Variants in NPAS4 observed in about 807,000 individuals in gnomAD.
The protein encoded by NPAS4 is neuronal PAS domain protein 4, also known as neuronal PAS domain-containing protein 4.
In NPAS4, 10 loss-of-function variants were observed where a neutral mutation model predicts 64.0. The observed-to-expected ratio is 0.16, with a 90% CI of 0.10 to 0.26. NPAS4 has a LOEUF of 0.26. Ranked by LOEUF, NPAS4 falls within the 10% of genes least tolerant of loss-of-function variation. The probability of loss-of-function intolerance (pLI) is 1.00; values close to 1 mark genes in which losing one functional copy is unlikely to be tolerated. For missense variants in NPAS4, 886 were observed against 992.6 expected (o/e 0.89, Z 1.44); for synonymous variants, 441 against 411.7 (o/e 1.07, Z -0.86).
At position 66,423,643 on chromosome 11, in the gene NPAS4, G is replaced by A. The variant is rs1255383985; in HGVS notation, c.874G>A (p.Ala292Thr). The A allele has an allele frequency of 1.2e-6, 2 of 1,614,114 alleles. No individual in the cohort carries two copies. The highest frequency in any genetic ancestry group is 1.7e-6 in the Non-Finnish European group (2 of 1,179,978). Residue 292 changes from alanine (A) to threonine (T), a missense_variant, in exon 6 of 8, where the codon GCA (alanine) becomes ACA (threonine). Around this residue, in one of 3 missense-constraint regions of NPAS4, gnomAD observed 820 missense variants for 855.5 expected, o/e 0.96. Transcript: ENST00000311034. ...VRLQAKTGGW[A>T]WIYCLLYSEG... ...GCTACAGGCCAAGACTGGAGGCTGG[G>A]CATGGATTTACTGCCTGTTATACTC...
At chr11:66,422,012 G>C (rs1466026683) in intron 1 of NPAS4, 108 bp from the exon 2 acceptor site, 14 of 997,088 alleles carry the variant, frequency 1.4e-5, no homozygotes, top group Non-Finnish European at 2.1e-5. Context: ...GCAGAGGCAG[G>C]TCCATGAGAA....
At chr11:66,416,521 G>A (rs1856671796), upstream of NPAS4, among the ~76,000 whole-genome samples, 5 of 152,164 alleles carry the variant, frequency 3.3e-5, no homozygotes, top group South Asian at 1.0e-3. Context: ...TATGAAAAAT[G>A]GGCTTCAGTG....
upstream of NPAS4, among the ~76,000 whole-genome samples, chr11:66,417,587 T>C (rs1481346881): frequency 6.6e-6 from 1 of 152,050 alleles, no homozygotes; most frequent in African/African-American, 2.4e-5. Context: ...GAGCAAGATA[T>C]AGATGGTGCA....
chr11:66,423,948 A>G lies in NPAS4; in HGVS notation c.1058A>G (p.Gln353Arg). ...LPSFPENILS[Q>R]EECSSTNPLF... ...TCATTCCCTGAAAACATTCTTTCCC[A>G]GGAAGAGTGCTCCAGCACTAACCCA... is the stretch of plus-strand genomic sequence containing the variant. Residue 353 changes from glutamine (Q) to arginine (R), a missense_variant, in exon 7 of 8, where the codon CAG becomes CGG. Around this residue, in one of 3 missense-constraint regions of NPAS4, gnomAD observed 820 missense variants for 855.5 expected, o/e 0.96. Transcript: ENST00000311034. 1 of 1,614,110 alleles carries G rather than the reference A, an allele frequency of 6.2e-7. No individual in the cohort carries two copies. Among genetic ancestry groups the G allele is most frequent in the African/African-American group, 1.3e-5 (1 of 75,024 alleles).
chr11:66,424,987 C>A lies in NPAS4; in HGVS notation c.2097C>A (p.Asp699Glu), dbSNP rs906661873. ...GCCAGGAGCTGGACTTCCTGGCTGA[C>A]CCTGATAACATGTTCCTGGAAGAGA... ...WKCQELDFLA[D>E]PDNMFLEETP... Residue 699 changes from aspartate to glutamate, a missense_variant, in exon 7 of 8, where the codon GAC (aspartate) becomes GAA (glutamate). Around this residue, in one of 3 missense-constraint regions of NPAS4, gnomAD observed 820 missense variants for 855.5 expected, o/e 0.96. Transcript: ENST00000311034. 7 of 1,614,170 alleles carry A rather than the reference C, an allele frequency of 4.3e-6. No homozygotes were observed. In the East Asian group the frequency reaches 1.6e-4, roughly 36 times the overall value.
At chr11:66,421,979 G>T in intron 1 of NPAS4, 141 bp from the exon 2 acceptor site, 1 of 700,652 alleles carries the variant, frequency 1.4e-6, no homozygotes. Flanking sequence ...CAAGAGCTGC[G>T]GGCAGCGGGT....
upstream of NPAS4, among the ~76,000 whole-genome samples, chr11:66,419,672 T>C (rs536736741): frequency 3.8e-4 from 46 of 119,696 alleles, no homozygotes; most frequent in Non-Finnish European, 7.5e-4. Context: ...TCATCTGTGG[T>C]GAAAAGAGAA....
At chr11:66,414,268 G>T in the NPAS4 span, among the ~76,000 whole-genome samples, 1 of 152,194 alleles carries the variant, frequency 6.6e-6, no homozygotes, top group East Asian at 1.9e-4. Flanking sequence ...GCCTCCCCAG[G>T]GCAGGTCAAG....
rs1856816539 is a variant in NPAS4 at position 66,424,952 on chromosome 11, C to A, written c.2062C>A (p.Pro688Thr). 1 of 1,613,996 alleles carries A rather than the reference C, an allele frequency of 6.2e-7. No individual in the cohort carries two copies. Among genetic ancestry groups the A allele is most frequent in the African/African-American group, 1.3e-5 (1 of 74,932 alleles). ...CCCTGTGCTCAGCCTGGACCTGAAACCCTGGAAATGCCAGGAGCTGGACTT... is the reference window on the plus strand; with the variant it reads ...CCCTGTGCTCAGCCTGGACCTGAAAACCTGGAAATGCCAGGAGCTGGACTT... The part of the protein sequence containing the change: ...GPPVLSLDLK[P>T]WKCQELDFLA... Residue 688 changes from proline to threonine, a missense_variant, in exon 7 of 8, where the codon CCC becomes ACC. Transcript: ENST00000311034.
Position 66,421,048 on chromosome 11 carries a change from G to A in NPAS4, c.-132G>A, listed in dbSNP as rs1856733209. ...GGCAGGCGAGGGGGGCAGCGCAGCC[G>A]AGCGGAGCCCAGGAGAGCAGAGAGC... is the stretch of plus-strand genomic sequence containing the variant. On this transcript the variant is annotated 5_prime_UTR_variant, in exon 1 of 8. Coordinates refer to ENST00000311034, the MANE Select transcript of NPAS4 (RefSeq NM_178864.4). 2 of 762,044 alleles carry A rather than the reference G, an allele frequency of 2.6e-6. No homozygotes were observed. Among genetic ancestry groups the A allele is most frequent in the South Asian group, 1.8e-5 (1 of 54,688 alleles). The allele number at this position is 762,044 out of a possible 1,614,324, so 47.2% of individuals were successfully genotyped here. A position where few individuals can be genotyped will look rare whatever the true frequency, so the allele number is the denominator to read the frequency against.
upstream of NPAS4, among the ~76,000 whole-genome samples, chr11:66,419,524 G>T (rs1478118917): frequency 2.0e-5 from 3 of 152,036 alleles, no homozygotes; most frequent in Non-Finnish European, 4.4e-5. Flanking sequence ...CTCATTTCCA[G>T]CCACTTAAGT....
intron 1 of NPAS4, 80 bp downstream of exon 1, chr11:66,421,434 CG>C: frequency 7.6e-7 from 1 of 1,318,038 alleles, no homozygotes; most frequent in Non-Finnish European, 1.1e-6. Context: ...CTGGGGCTGT[CG>C]CATGTCTAGG....
chr11:66,423,005 T>C, intron 4 of NPAS4, 64 bp downstream of exon 4: 1 of 1,569,086 alleles, frequency 6.4e-7, no homozygotes, highest in Non-Finnish European at 8.6e-7. Flanking sequence ...CCCTAGATTC[T>C]GGAGTCAGGG....
the NPAS4 span, among the ~76,000 whole-genome samples, chr11:66,414,700 G>T: frequency 6.6e-6 from 1 of 152,214 alleles, no homozygotes; most frequent in Admixed American, 6.5e-5. Flanking sequence ...AAGATGCAGC[G>T]GAAGACAACA....
In NPAS4 at chr11:66,424,244, T is replaced by A. The variant is rs1403550504; in HGVS notation, c.1354T>A (p.Ser452Thr). 1.2e-6 allele frequency: 2 copies of A among 1,613,900 alleles called. No homozygotes were observed. Among genetic ancestry groups the A allele is most frequent in the Non-Finnish European group, 1.7e-6 (2 of 1,180,002 alleles). ...EPFQTHLPTP[S>T]STLQEQLTPS... The stretch of plus-strand genomic sequence containing the variant: ...CTTCCAGACCCATTTGCCCACCCCA[T>A]CCAGCACTCTTCAAGAACAGCTGAC... Residue 452 changes from serine (S) to threonine (T), a missense_variant, in exon 7 of 8, where the codon TCC becomes ACC. Around this residue, in one of 3 missense-constraint regions of NPAS4, gnomAD observed 820 missense variants for 855.5 expected, o/e 0.96. Coordinates refer to ENST00000311034, the MANE Select transcript of NPAS4 (RefSeq NM_178864.4).
intron 7 of NPAS4, among the ~76,000 whole-genome samples, chr11:66,425,598 C>G (rs1856828788): frequency 6.6e-6 from 1 of 152,132 alleles, no homozygotes; most frequent in Admixed American, 6.5e-5. Flanking sequence ...CAGAGTTAAA[C>G]AGACTTTCCT....
Position 66,423,920 on chromosome 11 carries a change from C to T in NPAS4, c.1030C>T (p.Pro344Ser), listed in dbSNP as rs140299985. ...TGTCCTGGGCACTCCGACCATGCTGCCCTCATTCCCTGAAAACATTCTTTC... is the reference window on the plus strand; with the variant it reads ...TGTCCTGGGCACTCCGACCATGCTGTCCTCATTCCCTGAAAACATTCTTTC... ...AYVLGTPTML[P>S]SFPENILSQE... is the part of the protein sequence containing the mutation. The change falls in exon 7 of 8, where the codon CCC (proline) becomes TCC (serine). Residue 344 changes from proline to serine, a missense_variant. Physicochemically the swap from Pro to Ser is moderately conservative, Grantham distance 74. This residue lies in a region of NPAS4 where 820 missense variants were observed against 855.5 expected (regional missense o/e 0.96). Transcript: ENST00000311034. The T allele has an allele frequency of 1.3e-5, 21 of 1,613,960 alleles. No homozygotes were observed. The South Asian group carries it at 2.3e-4, about 18-fold the overall frequency.
At chr11:66,411,802 G>T in the NPAS4 span, among the ~76,000 whole-genome samples, 5 of 152,124 alleles carry the variant, frequency 3.3e-5, no homozygotes, top group Non-Finnish European at 7.4e-5. Flanking sequence ...GTTGCCCCTC[G>T]GCCCAGTCCC....
Position 66,423,699 on chromosome 11 carries a change from T to G in NPAS4, c.930T>G (p.Asn310Lys), listed in dbSNP as rs1207682374. 3 of 1,614,078 alleles carry G rather than the reference T, an allele frequency of 1.9e-6. No homozygotes were observed. Among genetic ancestry groups the G allele is most frequent in the Non-Finnish European group, 2.5e-6 (3 of 1,180,006 alleles). Residue 310 changes from asparagine to lysine, a missense_variant, in exon 6 of 8, where the codon AAT becomes AAG. Coordinates refer to ENST00000311034, the MANE Select transcript of NPAS4 (RefSeq NM_178864.4). ...SEGPEGPITA[N>K]NYPISDMEAW... The stretch of plus-strand genomic sequence containing the variant: ...GTCCAGAGGGACCCATTACTGCCAA[T>G]AACTACCCAATCAGGTAAGCCACAA...
Sources: gnomAD v4.1 joint callset for allele counts (sites outside exome capture counted in the v4.1 genomes callset) on GRCh38, gnomAD v4.1.1 for gene constraint, gnomAD v4.1.1 regional missense constraint, MANE v1.5 for transcripts, NCBI Gene and HGNC (gene_info 2026-07-23, HGNC 2026-07-21) for gene names.